The following LYST variants were observed in gnomAD, a reference collection of about 807,000 sequenced individuals.
The protein encoded by LYST is lysosomal trafficking regulator, also known as lysosomal-trafficking regulator.
Under a neutral mutation model 413.6 loss-of-function variants are expected in LYST, and 192 were observed. The observed-to-expected ratio is 0.46, with a 90% CI of 0.41 to 0.52. The LOEUF is 0.52. Ranked by LOEUF, LYST falls within the 20% of genes least tolerant of loss-of-function variation. The pLI, the probability that LYST is intolerant of heterozygous loss-of-function variation, is 0.00. For synonymous variants in LYST, 1,525 were observed against 1,567.3 expected, an observed-to-expected ratio of 0.97 and a Z score of 0.64; for missense variants, 3,815 against 4,499.9, an observed-to-expected ratio of 0.85 and a Z score of 4.35.
chr1:235,769,346 C>T (rs1344900124), intron 20 of LYST, among the ~76,000 whole-genome samples: 1 of 151,998 alleles, frequency 6.6e-6, no homozygotes, highest in East Asian at 1.9e-4. Context: ...TAAGATGAAG[C>T]TAGAATGGTA....
At chr1:235,881,375 C>T (rs1477057904) in intron 1 of LYST, among the ~76,000 whole-genome samples, 2 of 152,184 alleles carry the variant, frequency 1.3e-5, no homozygotes, top group Non-Finnish European at 2.9e-5. Context: ...TATATAGCTA[C>T]ATTACCACAT....
In LYST at chr1:235,766,175, A is replaced by T. The variant is rs201025005; in HGVS notation, c.6025T>A (p.Leu2009Met). 3 of 1,613,342 alleles carry T rather than the reference A, an allele frequency of 1.9e-6. No individual in the cohort carries two copies. The highest frequency in any genetic ancestry group is 2.5e-6 in the Non-Finnish European group (3 of 1,179,336). The change falls in exon 21 of 53, where the codon TTG becomes ATG. Residue 2009 changes from leucine (L) to methionine (M), a missense_variant. Transcript: ENST00000389793. ...VLGSPPDLEL[L>M]TIIFNFLLAV... ...AAAAGGAAATTGAAGATAATTGTCA[A>T]TAATTCCAAATCTGGAGGAGATCCA...
chr1:235,728,998 C>T (rs1664135001), intron 37 of LYST, among the ~76,000 whole-genome samples: 1 of 152,146 alleles, frequency 6.6e-6, no homozygotes, highest in Non-Finnish European at 1.5e-5. Context: ...TAAGAAGCTC[C>T]CATGAGATGC....
At chr1:235,677,731 A>G (rs1659495968) in intron 48 of LYST, 112 bp from the exon 49 acceptor site, 1 of 796,646 alleles carries the variant, frequency 1.3e-6, no homozygotes, top group Non-Finnish European at 2.2e-6. Flanking sequence ...CAAACATATC[A>G]TTCTTCAATC....
rs559348612 is a variant in LYST at position 235,827,631 on chromosome 1, C to T, written c.192+2595G>A. 2,456 of 984,718 alleles carry T rather than the reference C, an allele frequency of 2.5e-3. 2 individuals carry two copies. Among genetic ancestry groups the T allele is most frequent in the Non-Finnish European group, 2.9e-3 (2,381 of 829,368 alleles). 61.0% of individuals were successfully genotyped at this position (984,718 alleles called of 1,614,324 possible). A position where few individuals can be genotyped will look rare whatever the true frequency, so the allele number is the denominator to read the frequency against. ...TGAAAGAACTAAATGTTGATAAAGG[C>T]CTATGTTTTAAATGGCTATTTATTT... is the stretch of plus-strand genomic sequence containing the variant. On this transcript the variant is annotated intron_variant, in intron 3 of 52. Coordinates refer to ENST00000389793, the MANE Select transcript of LYST (RefSeq NM_000081.4).
intron 44 of LYST, among the ~76,000 whole-genome samples, chr1:235,705,281 G>A (rs1222023325): frequency 6.6e-6 from 1 of 151,920 alleles, no homozygotes; most frequent in African/African-American, 2.4e-5. Context: ...CTTAACGATG[G>A]CATAAACTTT....
intron 50 of LYST, among the ~76,000 whole-genome samples, chr1:235,676,778 A>G (rs1194613094): frequency 1.3e-5 from 2 of 152,238 alleles, no homozygotes; most frequent in Non-Finnish European, 2.9e-5. Context: ...AAAAGGGGAG[A>G]AAAGTCAAAA....
intron 40 of LYST, among the ~76,000 whole-genome samples, chr1:235,720,277 A>C (rs889811440): frequency 6.6e-6 from 1 of 151,972 alleles, no homozygotes; most frequent in Non-Finnish European, 1.5e-5. Flanking sequence ...AACCAACTAT[A>C]AAAAGCTATC....
At chr1:235,789,664 T>C (rs1670793613) in intron 12 of LYST, among the ~76,000 whole-genome samples, 3 of 152,148 alleles carry the variant, frequency 2.0e-5, no homozygotes, top group Non-Finnish European at 4.4e-5. Context: ...CCATGACCGA[T>C]GTTAAAAAAA....
intron 46 of LYST, among the ~76,000 whole-genome samples, chr1:235,694,879 T>A (rs1660960513): frequency 6.6e-6 from 1 of 152,118 alleles, no homozygotes; most frequent in Admixed American, 6.6e-5. Context: ...CTTTAACTAT[T>A]AGGACAGTAT....
chr1:235,684,455 G>A (rs916189708), intron 48 of LYST, among the ~76,000 whole-genome samples: 1 of 152,170 alleles, frequency 6.6e-6, no homozygotes, highest in East Asian at 1.9e-4. Context: ...GAATCGATTT[G>A]TAGGGGAAGT....
chr1:235,769,866 C>T (rs1331243856), intron 20 of LYST, among the ~76,000 whole-genome samples: 3 of 151,996 alleles, frequency 2.0e-5, no homozygotes, highest in African/African-American at 4.8e-5. Flanking sequence ...ACTATTCTTG[C>T]TGTTCAAGGC....
intron 31 of LYST, chr1:235,738,206 C>G (rs1003329462): frequency 1.2e-6 from 2 of 1,610,468 alleles, no homozygotes; most frequent in Admixed American, 1.7e-5. Context: ...ACCATGGCAG[C>G]CTTTTCCTTA....
Position 235,744,002 on chromosome 1 carries a change from C to T in LYST, c.8128G>A (p.Val2710Ile), listed in dbSNP as rs764821485. 11 of 1,485,110 alleles carry T rather than the reference C, an allele frequency of 7.4e-6. No homozygotes were observed. The highest frequency in any genetic ancestry group is 9.4e-6 in the Non-Finnish European group (10 of 1,064,406). The allele number at this position is 1,485,110 out of a possible 1,614,324, so 92.0% of individuals were successfully genotyped here. ...PFQKEIFTYL[V>I]EGFKVSIGSS... is the part of the protein sequence containing the mutation. ...ACAATAGATACTTTGAATCCTTCTA[C>T]CAGATATGTAAAAATTTCTTTCTGA... is the stretch of plus-strand genomic sequence containing the variant. The change falls in exon 30 of 53, where the codon GTA becomes ATA. Residue 2710 changes from valine (V) to isoleucine (I), a missense_variant. This residue lies in a region of LYST where 771 missense variants were observed against 837.1 expected (regional missense o/e 0.92). Coordinates refer to ENST00000389793, the MANE Select transcript of LYST (RefSeq NM_000081.4).
At chr1:235,744,265 TATC>T in intron 29 of LYST, 108 bp from the exon 30 acceptor site, 1 of 677,878 alleles carries the variant, frequency 1.5e-6, no homozygotes, top group East Asian at 2.8e-5. Context: ...CTAATTCAGT[TATC>T]ACAATTTAAA....
At chr1:235,874,439 G>A (rs1191728583) in intron 1 of LYST, among the ~76,000 whole-genome samples, 4 of 152,182 alleles carry the variant, frequency 2.6e-5, no homozygotes, top group East Asian at 1.9e-4. Flanking sequence ...GGAGCAGCGC[G>A]GAGGGACACC....
intron 6 of LYST, 51 bp downstream of exon 6, chr1:235,805,692 A>G (rs375026517): frequency 2.0e-5 from 21 of 1,030,206 alleles, no homozygotes; most frequent in Non-Finnish European, 3.0e-5. Flanking sequence ...GTGTGTGTGT[A>G]TATATATGTA....
intron 48 of LYST, among the ~76,000 whole-genome samples, chr1:235,683,042 G>C (rs1659943957): frequency 6.6e-6 from 1 of 152,198 alleles, no homozygotes; most frequent in African/African-American, 2.4e-5. Context: ...AAGAAACATA[G>C]AGTACAGATT....
At position 235,729,631 on chromosome 1, in the gene LYST, G is replaced by A; in HGVS notation, c.9071C>T (p.Ala3024Val). 10 of 1,611,168 alleles carry A rather than the reference G, an allele frequency of 6.2e-6. No homozygotes were observed. Among genetic ancestry groups the A allele is most frequent in the Non-Finnish European group, 8.5e-6 (10 of 1,177,598 alleles). ...IRVNRRCISVAPSRETAGELL... is the reference protein window; with the variant it reads ...IRVNRRCISVVPSRETAGELL... ...TTCACCAGCTGTCTCTCTAGATGGTGCAACACTGATGCATCTTCGATTCAC... is the reference window on the plus strand; with the variant it reads ...TTCACCAGCTGTCTCTCTAGATGGTACAACACTGATGCATCTTCGATTCAC... The change falls in exon 37 of 53, where the codon GCA becomes GTA. Residue 3024 changes from alanine (A) to valine (V), a missense_variant. By Grantham distance (64) the Ala-to-Val change is moderately conservative (BLOSUM62 0). Transcript: ENST00000389793.
Sources: gnomAD v4.1 joint callset for allele counts (sites outside exome capture counted in the v4.1 genomes callset) on GRCh38, gnomAD v4.1.1 for gene constraint, gnomAD v4.1.1 regional missense constraint, MANE v1.5 for transcripts, NCBI Gene and HGNC (gene_info 2026-07-23, HGNC 2026-07-21) for gene names.